Variants in KIAA1328 observed in about 807,000 individuals in gnomAD.
The protein encoded by KIAA1328 is protein hinderin.
Under a neutral mutation model 68.1 loss-of-function variants are expected in KIAA1328, and 52 were observed. The observed-to-expected ratio is 0.76, with a 90% CI of 0.61 to 0.96. The LOEUF (loss-of-function observed/expected upper bound fraction) is 0.96. Ranked by LOEUF, KIAA1328 falls within the 40% of genes least tolerant of loss-of-function variation. The pLI is 0.00. For synonymous variants in KIAA1328, 232 were observed against 239.4 expected, an observed-to-expected ratio of 0.97 and a Z score of 0.28; for missense variants, 641 against 677.6, an observed-to-expected ratio of 0.95 and a Z score of 0.60.
chr18:36,868,520 T>C (rs2047832715), intron 4 of KIAA1328, among the ~76,000 whole-genome samples: 1 of 152,190 alleles, frequency 6.6e-6, no homozygotes, highest in African/African-American at 2.4e-5. Context: ...TACATGCATT[T>C]GCATTTTGTT....
chr18:37,112,439 A>G (rs969554052), intron 7 of KIAA1328, among the ~76,000 whole-genome samples: 2 of 152,230 alleles, frequency 1.3e-5, no homozygotes, highest in African/African-American at 4.8e-5. Context: ...GCAAACTCCA[A>G]CAGACCTGTG....
chr18:37,042,872 G>A (rs960487990), intron 6 of KIAA1328, among the ~76,000 whole-genome samples: 6 of 152,036 alleles, frequency 3.9e-5, no homozygotes, highest in African/African-American at 9.7e-5. Flanking sequence ...CCCGTTTCAT[G>A]TATCTAGATA....
intron 7 of KIAA1328, among the ~76,000 whole-genome samples, chr18:37,120,578 A>G (rs903107100): frequency 6.6e-6 from 1 of 152,164 alleles, no homozygotes; most frequent in African/African-American, 2.4e-5. Context: ...AGAAATGATG[A>G]ATAGTTTTAC....
chr18:36,974,413 T>G (rs1026938939), intron 6 of KIAA1328, among the ~76,000 whole-genome samples: 1 of 152,230 alleles, frequency 6.6e-6, no homozygotes, highest in African/African-American at 2.4e-5. Context: ...TTTTTCAGTT[T>G]CTGAGTTGTT....
intron 7 of KIAA1328, among the ~76,000 whole-genome samples, chr18:37,087,870 A>G (rs2057151275): frequency 2.0e-5 from 3 of 152,108 alleles, no homozygotes; most frequent in Admixed American, 1.3e-4. Flanking sequence ...CCTCTTAACT[A>G]TATGGATTTC....
chr18:36,863,407 G>GC (rs917260047), intron 4 of KIAA1328, among the ~76,000 whole-genome samples: 1 of 151,998 alleles, frequency 6.6e-6, no homozygotes, highest in Non-Finnish European at 1.5e-5. Context: ...TCTGTCAACT[G>GC]CCTTGATTAC....
intron 6 of KIAA1328, chr18:37,063,782 A>G (rs2056242381): frequency 3.8e-6 from 2 of 521,314 alleles, no homozygotes; most frequent in Admixed American, 6.4e-5. Context: ...AGTTAGTACC[A>G]TTAAAGTAAG....
At chr18:36,907,179 G>GT (rs112250342) in intron 5 of KIAA1328, among the ~76,000 whole-genome samples, 15 of 151,820 alleles carry the variant, frequency 9.9e-5, no homozygotes, top group Middle Eastern at 3.4e-3. Flanking sequence ...GTTTTATGAG[G>GT]TTTTTTTTGT....
intron 7 of KIAA1328, among the ~76,000 whole-genome samples, chr18:37,135,727 T>C (rs1172694231): frequency 6.6e-6 from 1 of 152,184 alleles, no homozygotes; most frequent in East Asian, 1.9e-4. Context: ...TGCAATTGCT[T>C]TTGAGGACTT....
chr18:36,842,670 A>AT (rs1332505379), intron 3 of KIAA1328, among the ~76,000 whole-genome samples: 9 of 145,798 alleles, frequency 6.2e-5, no homozygotes, highest in South Asian at 2.2e-4. Context: ...GCCACTAATT[A>AT]TTTATTTTTT....
intron 6 of KIAA1328, among the ~76,000 whole-genome samples, chr18:37,012,806 G>A (rs1216655038): frequency 1.3e-5 from 2 of 152,132 alleles, no homozygotes; most frequent in Non-Finnish European, 2.9e-5. Context: ...CTATATTGCA[G>A]TTTTTGTAAT....
intron 8 of KIAA1328, among the ~76,000 whole-genome samples, chr18:37,169,078 A>G (rs988946372): frequency 1.3e-5 from 2 of 152,056 alleles, no homozygotes; most frequent in Admixed American, 6.5e-5. Flanking sequence ...TATTACATGT[A>G]TATAAACATA....
At chr18:37,079,520 G>T (rs185181535) in intron 7 of KIAA1328, among the ~76,000 whole-genome samples, 20 of 151,494 alleles carry the variant, frequency 1.3e-4, no homozygotes, top group African/African-American at 4.6e-4. Flanking sequence ...AAAAAAAGAA[G>T]TGCAGCTATT....
chr18:37,038,418 T>C, intron 6 of KIAA1328, among the ~76,000 whole-genome samples: 1 of 152,266 alleles, frequency 6.6e-6, no homozygotes. Flanking sequence ...TTTTATTCAT[T>C]TTGATGCTAT....
chr18:37,117,279 G>T (rs1365685902), intron 7 of KIAA1328, among the ~76,000 whole-genome samples: 2 of 152,190 alleles, frequency 1.3e-5, no homozygotes, highest in Non-Finnish European at 2.9e-5. Context: ...TTAAGAAAAT[G>T]TGGCACATAT....
chr18:37,143,521 C>CTTTTTTTTTTTTTTTT (rs57046567), intron 7 of KIAA1328, among the ~76,000 whole-genome samples: 87 of 90,762 alleles, frequency 9.6e-4, no homozygotes, highest in African/African-American at 2.0e-3. Flanking sequence ...TTTTTTCTTT[C>CTTTTTTTTTTTTTTTT]TTTTTTTTTT....
chr18:36,956,611 A>G (rs1234323147), intron 5 of KIAA1328, among the ~76,000 whole-genome samples: 1 of 151,846 alleles, frequency 6.6e-6, no homozygotes, highest in Admixed American at 6.6e-5. Context: ...AGGTAGGACT[A>G]CCTGTTTTTA....
In KIAA1328 at chr18:37,024,519, C is replaced by T. The variant is rs1238502417; in HGVS notation, c.577-42371C>T. ...ATTAGGTATATCTCCTAATGCTATCCCTTGCCCCTCCCCCCACCCCACAAC... is the reference window on the plus strand; with the variant it reads ...ATTAGGTATATCTCCTAATGCTATCTCTTGCCCCTCCCCCCACCCCACAAC... On this transcript the variant is annotated intron_variant, in intron 6 of 9. Transcript: ENST00000280020. Among the ~76,000 whole-genome samples, 4 of 150,458 alleles carry T rather than the reference C, an allele frequency of 2.7e-5. No homozygotes were observed. In the Admixed American group the frequency reaches 2.7e-4, roughly 10 times the overall value.
At chr18:37,226,231 C>G (rs910908869), downstream of KIAA1328, among the ~76,000 whole-genome samples, 2 of 151,868 alleles carry the variant, frequency 1.3e-5, no homozygotes, top group African/African-American at 4.8e-5. Flanking sequence ...AGTTTTCACT[C>G]TTGACTTTTC....
Sources: allele counts gnomAD v4.1 joint callset (sites outside exome capture counted in the v4.1 genomes callset), GRCh38; gene constraint gnomAD v4.1.1; transcripts MANE v1.5; gene names NCBI Gene and HGNC (gene_info 2026-07-23, HGNC 2026-07-21).